The following DOCK11 variants were observed in gnomAD, a reference collection of about 807,000 sequenced individuals.
DOCK11 encodes dedicator of cytokinesis 11.
DOCK11 carries 70 observed loss-of-function variants against 169.1 expected under a neutral mutation model. The observed-to-expected ratio is 0.41, with a 90% CI of 0.34 to 0.51. The LOEUF (loss-of-function observed/expected upper bound fraction) is 0.51, where lower values mean the gene tolerates loss of function less well. DOCK11 is among the 20% of genes least tolerant of loss of function. The pLI, the probability that DOCK11 is intolerant of heterozygous loss-of-function variation, is 0.10. For synonymous variants in DOCK11, 529 were observed against 541.3 expected (o/e 0.98, Z 0.32); for missense variants, 1,166 against 1,538.8 (o/e 0.76, Z 4.05).
chrX:118,577,754 T>C (rs2013493654), intron 12 of DOCK11, among the ~76,000 whole-genome samples: 1 of 111,619 alleles, frequency 9.0e-6, no homozygotes, highest in South Asian at 3.7e-4. Flanking sequence ...AAACTGGAAA[T>C]CACTATATTA....
At chrX:118,641,035 C>T (rs1416934929) in intron 38 of DOCK11, among the ~76,000 whole-genome samples, 155 bp from the exon 39 acceptor site, 3 of 111,582 alleles carry the variant, frequency 2.7e-5, no homozygotes, top group African/African-American at 6.5e-5. Flanking sequence ...ATGATCTGTC[C>T]GCCTCAGCCT....
In DOCK11 at chrX:118,647,919, A is replaced by T. The variant is rs1337462631; in HGVS notation, c.4399-1026A>T. ...ATCATGTATTATATATTATAATATT[A>T]TATATAATAAATAATATATTTTATA... is the stretch of plus-strand genomic sequence containing the variant. On this transcript the variant is annotated intron_variant, in intron 40 of 52. Transcript: ENST00000276202. 1.9e-3 allele frequency among the ~76,000 whole-genome samples: 86 copies of T among 45,043 alleles called. 1 individual carries two copies. Among genetic ancestry groups the T allele is most frequent in the Admixed American group, 3.0e-3 (7 of 2,351 alleles). 39.1% of individuals were successfully genotyped at this position (45,043 alleles called of 115,157 possible). A position where few individuals can be genotyped will look rare whatever the true frequency, so the allele number is the denominator to read the frequency against.
At chrX:118,668,844 T>A (rs754590131) in intron 45 of DOCK11, among the ~76,000 whole-genome samples, 1 of 110,822 alleles carries the variant, frequency 9.0e-6, no homozygotes, top group Non-Finnish European at 1.9e-5. Context: ...GTAGAAGGGA[T>A]TAAAGGGAGG....
rs766527966 is a variant in DOCK11, at chrX:118,595,902, C to A, written c.2264-1529C>A. Among the ~76,000 whole-genome samples, 8 of 110,523 alleles carry A rather than the reference C, an allele frequency of 7.2e-5. No homozygotes were observed. The South Asian group carries it at 3.2e-3, about 44-fold the overall frequency. ...AAAGTAGACTATCGGTTGCCAGGGG[C>A]TGGGAGGAGAGGGAAATGGGGAGTG... On this transcript the variant is annotated intron_variant, in intron 20 of 52. Transcript: ENST00000276202.
At chrX:118,517,577 G>C (rs979005901) in intron 1 of DOCK11, among the ~76,000 whole-genome samples, 2 of 110,059 alleles carry the variant, frequency 1.8e-5, no homozygotes, top group African/African-American at 6.6e-5. Flanking sequence ...TATGTGACAC[G>C]CATGTGTGTG....
At chrX:118,612,235 G>T (rs1014995636) in intron 28 of DOCK11, among the ~76,000 whole-genome samples, 1 of 111,655 alleles carries the variant, frequency 9.0e-6, no homozygotes, top group Non-Finnish European at 1.9e-5. Context: ...TTCACAACTA[G>T]GTTTCACACA....
intron 1 of DOCK11, among the ~76,000 whole-genome samples, chrX:118,532,114 TAA>T (rs370016074): frequency 3.3e-5 from 3 of 91,625 alleles, no homozygotes; most frequent in Admixed American, 1.2e-4. Context: ...GGATGTGTAA[TAA>T]AAAAAAAAAA....
intron 40 of DOCK11, among the ~76,000 whole-genome samples, chrX:118,646,696 A>G (rs1035568774): frequency 1.8e-5 from 2 of 111,845 alleles, no homozygotes; most frequent in South Asian, 7.4e-4. Context: ...TTTTCATACC[A>G]GAGTATCTGC....
intron 1 of DOCK11, among the ~76,000 whole-genome samples, chrX:118,506,128 T>G (rs1278118044): frequency 9.1e-6 from 1 of 110,449 alleles, no homozygotes; most frequent in Non-Finnish European, 1.9e-5. Context: ...TGGTGGCACA[T>G]GCGTGTAGTC....
intron 6 of DOCK11, among the ~76,000 whole-genome samples, chrX:118,560,483 C>A (rs1397412096): frequency 1.8e-5 from 2 of 111,836 alleles, no homozygotes; most frequent in African/African-American, 6.5e-5. Context: ...CCCATCTCAC[C>A]CTGAAGTGAC....
At chrX:118,636,520 T>C (rs1379473027) in intron 36 of DOCK11, 108 bp downstream of exon 36, 11 of 351,843 alleles carry the variant, frequency 3.1e-5, no homozygotes, top group African/African-American at 5.4e-5. Context: ...ATGTAGAAAA[T>C]GTTAAATTAT....
chrX:118,514,440 G>A (rs2057669816), intron 1 of DOCK11, among the ~76,000 whole-genome samples: 1 of 111,125 alleles, frequency 9.0e-6, no homozygotes, highest in South Asian at 3.8e-4. Flanking sequence ...GAAATATCTA[G>A]AAACTGTACC....
At chrX:118,557,321 C>T (rs927560812) in intron 6 of DOCK11, among the ~76,000 whole-genome samples, 2 of 110,904 alleles carry the variant, frequency 1.8e-5, no homozygotes, top group African/African-American at 6.6e-5. Context: ...GAAGCAAAGA[C>T]GTGAAAGGAG....
intron 52 of DOCK11, among the ~76,000 whole-genome samples, chrX:118,684,271 CTTTTTTTTTTTTT>C (rs1197326228): frequency 1.3e-5 from 1 of 78,631 alleles, no homozygotes. Flanking sequence ...TTTTTTTTTT[CTTTTTTTTTTTTT>C]TTTTTGAGAG....
intron 1 of DOCK11, among the ~76,000 whole-genome samples, chrX:118,505,087 G>A (rs1869274154): frequency 8.9e-6 from 1 of 112,283 alleles, no homozygotes; most frequent in African/African-American, 3.2e-5. Context: ...GCAGTGACAC[G>A]AACTTGGTTC....
intron 1 of DOCK11, among the ~76,000 whole-genome samples, chrX:118,538,899 G>A (rs2011858293): frequency 8.9e-6 from 1 of 112,195 alleles, no homozygotes; most frequent in Admixed American, 9.5e-5. Context: ...GGAGACTGCA[G>A]GGCAGAACCA....
In DOCK11 at chrX:118,627,576, A is replaced by T. The variant is rs1569434204; in HGVS notation, c.3661A>T (p.Thr1221Ser). 6.7e-5 allele frequency: 81 copies of T among 1,200,929 alleles called. No homozygotes were observed. The highest frequency in any genetic ancestry group is 8.8e-5 in the Non-Finnish European group (78 of 885,954). The change falls in exon 33 of 53, where the codon ACC becomes TCC. Residue 1221 changes from threonine (T) to serine (S), a missense_variant. Thr to Ser is a moderately conservative substitution (Grantham distance 58). Transcript: ENST00000276202. The part of the protein sequence containing the change: ...NRGSLSTDKD[T>S]AYGSFQNGHG... ...AGGGAGTCTGAGCACTGACAAAGAC[A>T]CCGGTAATTAAACCTTTTGGAGATG...
intron 16 of DOCK11, among the ~76,000 whole-genome samples, chrX:118,587,347 G>A (rs1303335622): frequency 1.8e-5 from 2 of 111,789 alleles, no homozygotes; most frequent in African/African-American, 6.5e-5. Flanking sequence ...TCTGGGTGGC[G>A]GAATGAGCAA....
chrX:118,503,783 G>A (rs2057591919), intron 1 of DOCK11, among the ~76,000 whole-genome samples: 1 of 111,687 alleles, frequency 9.0e-6, no homozygotes, highest in African/African-American at 3.3e-5. Flanking sequence ...TGAAATTGTA[G>A]GCGAGATTAG....
Sources: gnomAD v4.1 joint callset for allele counts (sites outside exome capture counted in the v4.1 genomes callset) on GRCh38, gnomAD v4.1.1 for gene constraint, MANE v1.5 for transcripts, NCBI Gene and HGNC (gene_info 2026-07-23, HGNC 2026-07-21) for gene names.